The following CEP63 variants were observed in gnomAD, a reference collection of about 807,000 sequenced individuals.
CEP63 encodes centrosomal protein of 63 kDa.
A neutral mutation model predicts 89.1 loss-of-function variants in CEP63; 84 were observed. The observed-to-expected ratio is 0.94, with a 90% CI of 0.79 to 1.13. CEP63 has a LOEUF of 1.13. Ranked by LOEUF, CEP63 falls within the 50% of genes most tolerant of loss-of-function variation. The pLI is 0.00. For missense variants in CEP63, 838 were observed against 813.3 expected (o/e 1.03, Z -0.37); for synonymous variants, 267 against 272.5 (o/e 0.98, Z 0.20).
the CEP63 span, among the ~76,000 whole-genome samples, chr3:134,613,683 CT>C: frequency 6.6e-6 from 1 of 152,234 alleles, no homozygotes; most frequent in South Asian, 2.1e-4. Flanking sequence ...CAGTTATAAG[CT>C]TATGCCATGC....
chr3:134,696,888 G>A, the CEP63 span, among the ~76,000 whole-genome samples: 2 of 152,192 alleles, frequency 1.3e-5, no homozygotes, highest in Non-Finnish European at 2.9e-5. Flanking sequence ...ATTCAGGAGG[G>A]AATTGTAAGA....
Position 134,546,228 on chromosome 3 carries a change from A to G in CEP63, c.869A>G (p.Lys290Arg). Residue 290 changes from lysine to arginine, a missense_variant, in exon 8 of 15, where the codon AAG becomes AGG. Physicochemically the swap from Lys to Arg is conservative, Grantham distance 26. Coordinates refer to ENST00000675561, the MANE Select transcript of CEP63 (RefSeq NM_001353108.3). ...CTCATACATGAGGCCAGAATACAAA[A>G]GGAGAAGTTACAAGAAAAAGTAAAG... ...ENLIHEARIQ[K>R]EKLQEKVKAT... 6.2e-7 allele frequency: 1 copy of G among 1,613,922 alleles called. No individual in the cohort carries two copies. The highest frequency in any genetic ancestry group is 8.5e-7 in the Non-Finnish European group (1 of 1,179,864).
the CEP63 span, among the ~76,000 whole-genome samples, chr3:134,598,928 C>T: frequency 6.6e-6 from 1 of 152,222 alleles, no homozygotes; most frequent in African/African-American, 2.4e-5. Context: ...CTGTCAGAGG[C>T]TGTTCTTCCC....
intron 6 of CEP63, among the ~76,000 whole-genome samples, chr3:134,542,557 G>A (rs772441066): frequency 1.3e-5 from 2 of 152,202 alleles, no homozygotes; most frequent in South Asian, 2.1e-4. Flanking sequence ...TACAATGGCC[G>A]TACCTTCATA....
chr3:134,779,204 T>A, the CEP63 span, among the ~76,000 whole-genome samples: 1 of 152,330 alleles, frequency 6.6e-6, no homozygotes, highest in East Asian at 1.9e-4. Flanking sequence ...TATATATGAA[T>A]ACACAATTCA....
chr3:134,693,630 A>G, the CEP63 span, among the ~76,000 whole-genome samples: 72 of 152,218 alleles, frequency 4.7e-4, 1 homozygote, highest in Non-Finnish European at 9.0e-4. Flanking sequence ...TTTAGCTGCA[A>G]TTGAGGCTCA....
At chr3:134,516,372 G>A (rs976645461) in intron 3 of CEP63, among the ~76,000 whole-genome samples, 3 of 152,258 alleles carry the variant, frequency 2.0e-5, no homozygotes, top group Non-Finnish European at 2.9e-5. Flanking sequence ...GTTTTATACC[G>A]AGACATTCCA....
the CEP63 span, among the ~76,000 whole-genome samples, chr3:134,682,108 C>T: frequency 1.9e-4 from 29 of 152,148 alleles, no homozygotes; most frequent in Non-Finnish European, 4.1e-4. Flanking sequence ...GGAGGGAGTT[C>T]TTTGAGCAAT....
the CEP63 span, among the ~76,000 whole-genome samples, chr3:134,663,070 CAG>C: frequency 6.6e-5 from 10 of 152,204 alleles, no homozygotes; most frequent in Admixed American, 1.3e-4. Context: ...AGCAGAACCC[CAG>C]AGAGGAGAGG....
chr3:134,710,943 A>G, the CEP63 span, among the ~76,000 whole-genome samples: 11 of 152,026 alleles, frequency 7.2e-5, no homozygotes, highest in Admixed American at 6.5e-4. Flanking sequence ...GATAGTCTCG[A>G]TCTCCTGATC....
chr3:134,706,632 A>C, the CEP63 span, among the ~76,000 whole-genome samples: 6 of 152,176 alleles, frequency 3.9e-5, no homozygotes, highest in Non-Finnish European at 7.3e-5. Flanking sequence ...AAGTCTCTCT[A>C]TGAGTTTCCT....
At chr3:134,622,215 G>T in the CEP63 span, among the ~76,000 whole-genome samples, 2 of 152,110 alleles carry the variant, frequency 1.3e-5, no homozygotes, top group Non-Finnish European at 2.9e-5. Flanking sequence ...TCCAAGGTAC[G>T]CAACCAAAAA....
intron 3 of CEP63, among the ~76,000 whole-genome samples, chr3:134,516,027 A>G (rs1398615422): frequency 6.6e-6 from 1 of 152,170 alleles, no homozygotes; most frequent in African/African-American, 2.4e-5. Flanking sequence ...CAAAGTGTAG[A>G]GAAAGAAAAA....
At chr3:134,767,261 C>G in the CEP63 span, among the ~76,000 whole-genome samples, 1 of 152,186 alleles carries the variant, frequency 6.6e-6, no homozygotes, top group Admixed American at 6.5e-5. Context: ...TGCAATGTGG[C>G]TAGCATTTTA....
chr3:134,700,337 A>G, the CEP63 span, among the ~76,000 whole-genome samples: 6 of 152,092 alleles, frequency 3.9e-5, no homozygotes, highest in Non-Finnish European at 8.8e-5. Context: ...TCCTCCTCCA[A>G]TCTATTCTTC....
intron 3 of CEP63, among the ~76,000 whole-genome samples, chr3:134,520,461 A>G (rs1419240457): frequency 6.6e-6 from 1 of 152,190 alleles, no homozygotes; most frequent in Admixed American, 6.5e-5. Flanking sequence ...AAGACTCAAT[A>G]TTTTAAAGGT....
chr3:134,697,115 G>C, the CEP63 span, among the ~76,000 whole-genome samples: 1 of 152,352 alleles, frequency 6.6e-6, no homozygotes, highest in African/African-American at 2.4e-5. Context: ...GAATTATTGA[G>C]AGTGGGAAAA....
the CEP63 span, among the ~76,000 whole-genome samples, chr3:134,658,853 C>T: frequency 1.2e-4 from 18 of 152,206 alleles, no homozygotes; most frequent in African/African-American, 4.3e-4. Context: ...CGATCAGAGT[C>T]ATAAGCCACG....
intron 12 of CEP63, among the ~76,000 whole-genome samples, chr3:134,557,152 A>T (rs543719872): frequency 6.6e-6 from 1 of 152,156 alleles, no homozygotes; most frequent in Admixed American, 6.5e-5. Flanking sequence ...CTGATAAATT[A>T]CTGACCATGT....
Sources: allele counts gnomAD v4.1 joint callset (sites outside exome capture counted in the v4.1 genomes callset), GRCh38; gene constraint gnomAD v4.1.1; transcripts MANE v1.5; gene names NCBI Gene and HGNC (gene_info 2026-07-23, HGNC 2026-07-21).